Variants in SLFN12 observed in about 807,000 individuals in gnomAD.
The protein encoded by SLFN12 is schlafen family member 12, also known as ribonuclease SLFN12.
Under a neutral mutation model 29.1 loss-of-function variants are expected in SLFN12, and 25 were observed. The ratio of observed to expected loss-of-function variants is 0.86; its 90% confidence interval spans 0.63 to 1.20. The LOEUF (loss-of-function observed/expected upper bound fraction) is 1.20, where lower values mean the gene tolerates loss of function less well. Ranked by LOEUF, SLFN12 falls within the 50% of genes most tolerant of loss-of-function variation. The pLI is 0.00. For synonymous variants in SLFN12, 257 were observed against 238.7 expected, an observed-to-expected ratio of 1.08 and a Z score of -0.71; for missense variants, 660 against 666.2, an observed-to-expected ratio of 0.99 and a Z score of 0.10.
rs1911777608 is a variant in SLFN12 at position 35,422,822 on chromosome 17, A to G, written c.207T>C (p.Ser69=). 3 of 1,613,826 alleles carry G rather than the reference A, an allele frequency of 1.9e-6. No individual in the cohort carries two copies. The highest frequency in any genetic ancestry group is 8.5e-7 in the Non-Finnish European group (1 of 1,179,864). ...IKAEIENEDY[S]YTKDGIGLDL... ...CTAGTCCTATTCCATCTTTTGTATAACTATAGTCTTCATTCTCAATTTCAG... is the reference window on the plus strand; with the variant it reads ...CTAGTCCTATTCCATCTTTTGTATAGCTATAGTCTTCATTCTCAATTTCAG... Residue 69 remains serine, a synonymous_variant, in exon 2 of 4, where the codon AGT becomes AGC. Transcript: ENST00000304905.
intron 3 of SLFN12, among the ~76,000 whole-genome samples, 166 bp from the exon 4 acceptor site, chr17:35,412,093 G>C (rs965910086): frequency 2.0e-5 from 3 of 152,030 alleles, no homozygotes; most frequent in African/African-American, 7.2e-5. Flanking sequence ...ACCAATAAAA[G>C]CAGTATTTGA....
In SLFN12 at chr17:35,411,302, A is replaced by G. The variant is rs201962744; in HGVS notation, c.*36T>C. On this transcript the variant is annotated 3_prime_UTR_variant, in exon 4 of 4. Coordinates refer to ENST00000304905, the MANE Select transcript of SLFN12 (RefSeq NM_018042.5). Reference sequence around the variant, plus strand: ...AATTAGAGAATGTTATCAAATATATAATGAAAAATATCTCAGTAGCCCAGT... The same window carrying G: ...AATTAGAGAATGTTATCAAATATATGATGAAAAATATCTCAGTAGCCCAGT... 1.5e-6 allele frequency: 2 copies of G among 1,332,268 alleles called. No individual in the cohort carries two copies. The highest frequency in any genetic ancestry group is 1.5e-5 in the African/African-American group (1 of 68,374). 82.5% of individuals were successfully genotyped at this position (1,332,268 alleles called of 1,614,324 possible). A position where few individuals can be genotyped will look rare whatever the true frequency, so the allele number is the denominator to read the frequency against.
intron 1 of SLFN12, among the ~76,000 whole-genome samples, chr17:35,424,056 G>A (rs1363142430): frequency 6.6e-6 from 1 of 152,100 alleles, no homozygotes; most frequent in Non-Finnish European, 1.5e-5. Context: ...CTAAGACATT[G>A]TGCTTTAGTC....
At chr17:35,431,841 G>GAAGGGAAGAATTTAACAT (rs1912334540) in intron 1 of SLFN12, 1 of 152,182 alleles carries the variant, frequency 6.6e-6, no homozygotes, top group African/African-American at 2.4e-5. Flanking sequence ...TAGAGTAGGG[G>GAAGGGAAGAATTTAACAT]AAGGGAAGAA....
chr17:35,414,865 G>A (rs1911226833), intron 3 of SLFN12, among the ~76,000 whole-genome samples: 1 of 152,036 alleles, frequency 6.6e-6, no homozygotes, highest in Admixed American at 6.6e-5. Flanking sequence ...AGAAATCATA[G>A]ATGAAACAAA....
chr17:35,429,169 C>T (rs1912173716), intron 1 of SLFN12, among the ~76,000 whole-genome samples: 1 of 152,014 alleles, frequency 6.6e-6, no homozygotes, highest in African/African-American at 2.4e-5. Context: ...TTTTGCCTAA[C>T]CCACCATACA....
rs778451166 is a variant in SLFN12 at position 35,420,049 on chromosome 17, G to C, written c.1147+225C>G. 1.3e-3 allele frequency among the ~76,000 whole-genome samples: 193 copies of C among 152,104 alleles called. 3 individuals carry two copies. The highest frequency in any genetic ancestry group is 7.0e-3 in the Admixed American group (107 of 15,284). On this transcript the variant is annotated intron_variant, in intron 3 of 3. Coordinates refer to ENST00000304905, the MANE Select transcript of SLFN12 (RefSeq NM_018042.5). ...TGTTTGTTTAAACTAAACTGACTTG[G>C]GTTGCTCTTACTTTCAAGTAAACGA...
intron 1 of SLFN12, among the ~76,000 whole-genome samples, chr17:35,424,032 G>A (rs1190460680): frequency 1.3e-5 from 2 of 152,062 alleles, no homozygotes; most frequent in South Asian, 4.1e-4. Flanking sequence ...TTTTGTTATG[G>A]CGGCCTAAAC....
At position 35,422,439 on chromosome 17, in the gene SLFN12, G is replaced by A. The variant is rs755740215; in HGVS notation, c.590C>T (p.Thr197Ile). 11 of 1,612,722 alleles carry A rather than the reference G, an allele frequency of 6.8e-6. No individual in the cohort carries two copies. Among genetic ancestry groups the A allele is most frequent in the Middle Eastern group, 3.3e-4 (2 of 6,058 alleles). ...TTCAACATGTGTGGATTCAGTAAAG[G>A]TCAATTTTTCTTTCCGATCAAGTTC... ...RTELDRKEKL[T>I]FTESTHVEIK... Residue 197 changes from threonine to isoleucine, a missense_variant, in exon 2 of 4, where the codon ACC becomes ATC. Coordinates refer to ENST00000304905, the MANE Select transcript of SLFN12 (RefSeq NM_018042.5).
chr17:35,424,045 A>G (rs1347483654), intron 1 of SLFN12, among the ~76,000 whole-genome samples: 1 of 152,146 alleles, frequency 6.6e-6, no homozygotes, highest in Non-Finnish European at 1.5e-5. Context: ...GCCTAAACAA[A>G]CTAAGACATT....
intron 1 of SLFN12, among the ~76,000 whole-genome samples, chr17:35,429,034 C>T (rs1205096261): frequency 1.3e-5 from 2 of 152,124 alleles, no homozygotes; most frequent in African/African-American, 4.8e-5. Flanking sequence ...GGTAATGCCT[C>T]ACCAAGCAGC....
chr17:35,431,552 A>G (rs1008751808), intron 1 of SLFN12, among the ~76,000 whole-genome samples: 5 of 152,148 alleles, frequency 3.3e-5, no homozygotes, highest in African/African-American at 1.2e-4. Context: ...GCTGAGGTCC[A>G]AAGGATCCTC....
intron 3 of SLFN12, among the ~76,000 whole-genome samples, chr17:35,418,735 G>T (rs1229863623): frequency 6.6e-6 from 1 of 152,112 alleles, no homozygotes; most frequent in Non-Finnish European, 1.5e-5. Flanking sequence ...AAGGTGGCAT[G>T]GCAGATCATG....
At chr17:35,419,247 A>G (rs1213612574) in intron 3 of SLFN12, among the ~76,000 whole-genome samples, 1 of 152,150 alleles carries the variant, frequency 6.6e-6, no homozygotes, top group East Asian at 1.9e-4. Context: ...CTAAACCGCA[A>G]CATTTTAAAT....
At chr17:35,415,338 T>A (rs1911252960) in intron 3 of SLFN12, among the ~76,000 whole-genome samples, 1 of 152,028 alleles carries the variant, frequency 6.6e-6, no homozygotes. Context: ...CAGATCCTCA[T>A]CTCTCACCTT....
rs1911718755 is a variant in SLFN12, at chr17:35,422,345, T to C, written c.684A>G (p.Ala228=). The change falls in exon 2 of 4, where the codon GCA becomes GCG. Residue 228 remains alanine, a synonymous_variant. Coordinates refer to ENST00000304905, the MANE Select transcript of SLFN12 (RefSeq NM_018042.5). ...IKEILPQYVS[A]FANTDGGYLF... is the part of the protein sequence containing the mutation. Reference sequence around the variant, plus strand: ...AATATCCTCCATCAGTATTTGCAAATGCAGAAACATATTGAGGGAGAATCT... The same window carrying C: ...AATATCCTCCATCAGTATTTGCAAACGCAGAAACATATTGAGGGAGAATCT... 2 of 1,613,866 alleles carry C rather than the reference T, an allele frequency of 1.2e-6. No homozygotes were observed. The highest frequency in any genetic ancestry group is 1.7e-6 in the Non-Finnish European group (2 of 1,179,982).
rs779764078 is a variant in SLFN12 at position 35,411,610 on chromosome 17, T to A, written c.1465A>T (p.Lys489Ter). 3.1e-6 allele frequency: 5 copies of A among 1,614,108 alleles called. No homozygotes were observed. Among genetic ancestry groups the A allele is most frequent in the Non-Finnish European group, 4.2e-6 (5 of 1,179,994 alleles). Residue 489 changes from lysine (K) to a stop codon, truncating the protein, a stop_gained, in exon 4 of 4, where the codon AAA becomes TAA. Transcript: ENST00000304905. LOFTEE classifies it low-confidence loss of function (END_TRUNC). ...QKLAKIGGYT[K>*]KVCVMTKIFY... ...ATCTTTGTCATGACACACACTTTTT[T>A]AGTGTAACCACCAATTTTTGCCAGC...
At chr17:35,426,342 A>T (rs905961345) in intron 1 of SLFN12, among the ~76,000 whole-genome samples, 1 of 151,958 alleles carries the variant, frequency 6.6e-6, no homozygotes, top group African/African-American at 2.4e-5. Context: ...CCTGTCCGCC[A>T]TTGGGATGAC....
At chr17:35,412,272 A>G (rs981927260) in intron 3 of SLFN12, among the ~76,000 whole-genome samples, 13 of 152,148 alleles carry the variant, frequency 8.5e-5, no homozygotes, top group African/African-American at 2.2e-4. Flanking sequence ...GGAATATGAG[A>G]AGTAAAATCT....
Sources: allele counts gnomAD v4.1 joint callset (sites outside exome capture counted in the v4.1 genomes callset), GRCh38; gene constraint gnomAD v4.1.1; transcripts MANE v1.5; gene names NCBI Gene and HGNC (gene_info 2026-07-23, HGNC 2026-07-21).